The following INTS7 variants were observed in gnomAD, a reference collection of about 807,000 sequenced individuals.
INTS7 encodes chromosome 1 open reading frame 73.
In INTS7, 46 loss-of-function variants were observed where a neutral mutation model predicts 109.2. That is an observed-to-expected ratio of 0.42 (90% CI 0.33 to 0.54). INTS7 has a LOEUF of 0.54. Among genes scored for constraint, INTS7 ranks in the 20% least tolerant of loss-of-function variants. INTS7 has a pLI of 0.07. For synonymous variants in INTS7, 412 were observed against 402.9 expected (o/e 1.02, Z -0.27); for missense variants, 929 against 1,132.4 (o/e 0.82, Z 2.58).
chr1:212,032,546 G>A (rs550042144), intron 1 of INTS7, among the ~76,000 whole-genome samples: 164 of 149,862 alleles, frequency 1.1e-3, no homozygotes, highest in African/African-American at 3.9e-3. Flanking sequence ...GTGTGATCTC[G>A]GCTCACTGGA....
chr1:211,949,058 G>A (rs1360611237), intron 17 of INTS7, among the ~76,000 whole-genome samples: 2 of 152,332 alleles, frequency 1.3e-5, no homozygotes, highest in Non-Finnish European at 2.9e-5. Flanking sequence ...TGTATTTTCT[G>A]ACATTTCTGT....
chr1:211,946,689 C>T lies in INTS7; in HGVS notation c.2333G>A (p.Cys778Tyr). The T allele has an allele frequency of 6.2e-7, 1 of 1,612,586 alleles. No individual in the cohort carries two copies. Among genetic ancestry groups the T allele is most frequent in the Non-Finnish European group, 8.5e-7 (1 of 1,178,830 alleles). The change falls in exon 18 of 20, where the codon TGC becomes TAC. Residue 778 changes from cysteine to tyrosine, a missense_variant. Cys to Tyr is a radical substitution (Grantham distance 194). This residue lies in a region of INTS7 where 787 missense variants were observed against 901.1 expected (regional missense o/e 0.87). Transcript: ENST00000366994. The surrounding 1 kb of genome is among the most constrained non-coding windows in gnomAD (Gnocchi z 4.3). ...PVSYMHTACL[C>Y]NAIIALLKVP... Reference sequence around the variant, plus strand: ...TTTCAGCAAAGCAATGATGGCATTGCAGAGGCATGCTGTGTGCTGGGGGAA... The same window carrying T: ...TTTCAGCAAAGCAATGATGGCATTGTAGAGGCATGCTGTGTGCTGGGGGAA...
intron 13 of INTS7, among the ~76,000 whole-genome samples, chr1:211,969,590 C>G (rs1176193149): frequency 9.7e-6 from 1 of 103,434 alleles, no homozygotes; most frequent in Non-Finnish European, 1.8e-5. Context: ...GGGTATCATT[C>G]TATCACCCAG....
chr1:211,968,376 G>T (rs1227451392), intron 14 of INTS7, 137 bp downstream of exon 14: 4 of 687,680 alleles, frequency 5.8e-6, no homozygotes, highest in Non-Finnish European at 9.5e-6. Flanking sequence ...CTATTTTTTA[G>T]CCAGACAGTT....
At chr1:211,948,064 C>T (rs1662919789) in intron 17 of INTS7, among the ~76,000 whole-genome samples, 1 of 152,218 alleles carries the variant, frequency 6.6e-6, no homozygotes, top group African/African-American at 2.4e-5. Context: ...CCCAACACCA[C>T]AGGTTGAAAA....
rs370991922 is a variant in INTS7 at position 211,946,575 on chromosome 1, C to A, written c.2415+32G>T. The A allele has an allele frequency of 4.0e-5, 52 of 1,294,070 alleles. No individual in the cohort carries two copies. The highest frequency in any genetic ancestry group is 5.8e-5 in the Non-Finnish European group (52 of 893,476). 80.2% of individuals were successfully genotyped at this position (1,294,070 alleles called of 1,614,324 possible). A position where few individuals can be genotyped will look rare whatever the true frequency, so the allele number is the denominator to read the frequency against. On this transcript the variant is annotated intron_variant, in intron 18 of 19. Coordinates refer to ENST00000366994, the MANE Select transcript of INTS7 (RefSeq NM_015434.4). This position sits in a 1 kb window ranked among gnomAD's most constrained non-coding sequence, Gnocchi z 4.3. ...TTCAGAAGACACCTGGTTTTAAAAC[C>A]TATATTAACCTTAGTATTCTTCCTG...
intron 16 of INTS7, among the ~76,000 whole-genome samples, chr1:211,961,952 C>T (rs997979968): frequency 1.3e-5 from 2 of 152,138 alleles, no homozygotes; most frequent in Non-Finnish European, 2.9e-5. Flanking sequence ...CAGTGAGACA[C>T]TATAAAGCAA....
Position 211,959,597 on chromosome 1 carries a change from C to T in INTS7, c.2183+6833G>A, listed in dbSNP as rs1277081294. 3.3e-5 allele frequency among the ~76,000 whole-genome samples: 5 copies of T among 152,188 alleles called. No individual in the cohort carries two copies. Among genetic ancestry groups the T allele is most frequent in the Non-Finnish European group, 5.9e-5 (4 of 68,028 alleles). On this transcript the variant is annotated intron_variant, in intron 16 of 19. Transcript: ENST00000366994. The surrounding 1 kb of genome is among the most constrained non-coding windows in gnomAD (Gnocchi z 4.2). ...TTGCCTCCCCAGCCCCACAAGTGCA[C>T]GTTCACCTTGCCCTGCCACTGCTGC... is the stretch of plus-strand genomic sequence containing the variant.
chr1:212,012,268 G>A (rs112973363), intron 4 of INTS7, among the ~76,000 whole-genome samples: 2 of 152,138 alleles, frequency 1.3e-5, no homozygotes, highest in Non-Finnish European at 2.9e-5. Flanking sequence ...AGGAGATTGG[G>A]GGGGGAGGGG....
At chr1:211,980,865 T>C (rs1364227939) in intron 10 of INTS7, among the ~76,000 whole-genome samples, 2 of 152,248 alleles carry the variant, frequency 1.3e-5, no homozygotes, top group Non-Finnish European at 2.9e-5. Context: ...GGGAAATTAA[T>C]GAACGCTTAT....
chr1:211,978,596 G>A, intron 10 of INTS7, 85 bp from the exon 11 acceptor site: 1 of 1,486,050 alleles, frequency 6.7e-7, no homozygotes, highest in South Asian at 1.2e-5. Context: ...CAGGTTACTG[G>A]GGAAACTCAA....
intron 7 of INTS7, among the ~76,000 whole-genome samples, chr1:212,002,518 T>C (rs1222635794): frequency 1.3e-5 from 2 of 152,198 alleles, no homozygotes; most frequent in Non-Finnish European, 2.9e-5. Flanking sequence ...CACCTCCTAC[T>C]AATCTCCTCT....
intron 16 of INTS7, among the ~76,000 whole-genome samples, chr1:211,964,634 G>A (rs977632083): frequency 2.0e-5 from 3 of 152,046 alleles, no homozygotes; most frequent in Non-Finnish European, 4.4e-5. Flanking sequence ...ACAGACCAAT[G>A]GAATAGAATA....
intron 1 of INTS7, among the ~76,000 whole-genome samples, chr1:212,029,869 A>C (rs183281992): frequency 6.6e-6 from 1 of 152,348 alleles, no homozygotes; most frequent in East Asian, 1.9e-4. Flanking sequence ...AGCTTAAAAA[A>C]TTGATGGCAA....
At chr1:211,969,010 T>C (rs1309299366) in intron 13 of INTS7, among the ~76,000 whole-genome samples, 2 of 151,992 alleles carry the variant, frequency 1.3e-5, no homozygotes, top group African/African-American at 4.8e-5. Context: ...CACGGCCAGG[T>C]GCGGTGGCTC....
rs1662639956 is a variant in INTS7, at chr1:211,941,746, T to C, written c.*78A>G. 6.6e-7 allele frequency: 1 copy of C among 1,523,492 alleles called. No individual in the cohort carries two copies. The highest frequency in any genetic ancestry group is 2.0e-5 in the Admixed American group (1 of 51,130). The allele number at this position is 1,523,492 out of a possible 1,614,324, so 94.4% of individuals were successfully genotyped here. A position where few individuals can be genotyped will look rare whatever the true frequency, so the allele number is the denominator to read the frequency against. On this transcript the variant is annotated 3_prime_UTR_variant, in exon 20 of 20. Transcript: ENST00000366994. ...ATGAACTACACTGTAACTTTAATAC[T>C]TATTCCATATGAAAAACCAAACTGT...
chr1:211,981,027 C>A, intron 10 of INTS7, 66 bp downstream of exon 10: 1 of 903,246 alleles, frequency 1.1e-6, no homozygotes. Context: ...GTCTGCTTAA[C>A]TTTGCTTTCT....
chr1:211,971,843 G>A (rs1349444348), intron 13 of INTS7, among the ~76,000 whole-genome samples: 2 of 150,264 alleles, frequency 1.3e-5, no homozygotes, highest in African/African-American at 4.9e-5. Context: ...TTGAACCTGG[G>A]AGGTGGAGGT....
At position 211,941,265 on chromosome 1, in the gene INTS7, A is replaced by G. The variant is rs1415103786; in HGVS notation, c.*559T>C. 1 of 152,874 alleles carries G rather than the reference A, an allele frequency of 6.5e-6. No individual in the cohort carries two copies. The highest frequency in any genetic ancestry group is 1.5e-5 in the Non-Finnish European group (1 of 68,574). 9.5% of individuals were successfully genotyped at this position (152,874 alleles called of 1,614,324 possible). ...AATTCAGTGATCTCAACATGTGACT[A>G]TTCTTGAAAGAAAAAAAAGCTTGGC... On this transcript the variant is annotated 3_prime_UTR_variant, in exon 20 of 20. Coordinates refer to ENST00000366994, the MANE Select transcript of INTS7 (RefSeq NM_015434.4).
Sources: allele counts gnomAD v4.1 joint callset (sites outside exome capture counted in the v4.1 genomes callset), GRCh38; gene constraint gnomAD v4.1.1; regional missense constraint gnomAD v4.1.1; non-coding constraint Gnocchi (gnomAD v3.1); transcripts MANE v1.5; gene names NCBI Gene and HGNC (gene_info 2026-07-23, HGNC 2026-07-21).